NAV2: variants seen among roughly 807,000 people sequenced by gnomAD.
NAV2 encodes the protein helicase, APC down-regulated 1.
In NAV2, 54 loss-of-function variants were observed where a neutral mutation model predicts 223.2. That is an observed-to-expected ratio of 0.24 (90% CI 0.19 to 0.30). The LOEUF is 0.30. Ranked by LOEUF, NAV2 falls within the 10% of genes least tolerant of loss-of-function variation. NAV2 has a pLI of 1.00. For synonymous variants in NAV2, 1,279 were observed against 1,239.3 expected (o/e 1.03, Z -0.67); for missense variants, 2,806 against 3,147.5 (o/e 0.89, Z 2.60).
intron 36 of NAV2, 111 bp downstream of exon 36, chr11:20,107,893 C>G (rs1392650548): frequency 1.3e-6 from 1 of 763,302 alleles, no homozygotes; most frequent in African/African-American, 1.7e-5. Flanking sequence ...GGGGTGACAA[C>G]CCCTCACCTG....
At chr11:19,446,701 A>G (rs1282603451) in intron 1 of NAV2, among the ~76,000 whole-genome samples, 2 of 152,210 alleles carry the variant, frequency 1.3e-5, no homozygotes, top group African/African-American at 4.8e-5. Flanking sequence ...TAATGCAAAC[A>G]GCTGAACCGC....
chr11:20,045,437 A>C lies in NAV2; in HGVS notation c.3669A>C (p.Ala1223=). The change falls in exon 14 of 38, where the codon GCA becomes GCC. Residue 1223 remains alanine (A), a synonymous_variant. Transcript: ENST00000349880. ...ATTCCAACATTAGCAGCAAGTCCGC[A>C]GGCCTGCCAGTGCCCAAACTGAGGG... ...SIDSNISSKS[A]GLPVPKLREP... is the part of the protein sequence containing the mutation. The C allele has an allele frequency of 6.2e-7, 1 of 1,614,190 alleles. No homozygotes were observed. The highest frequency in any genetic ancestry group is 1.1e-5 in the South Asian group (1 of 91,078).
At chr11:20,057,137 G>C (rs1006125662) in intron 19 of NAV2, among the ~76,000 whole-genome samples, 2 of 151,990 alleles carry the variant, frequency 1.3e-5, no homozygotes, top group Non-Finnish European at 2.9e-5. Context: ...GGTGCTTCCC[G>C]GTCCCCATAT....
intron 10 of NAV2, among the ~76,000 whole-genome samples, chr11:19,977,638 A>G (rs2049881088): frequency 6.6e-6 from 1 of 152,112 alleles, no homozygotes; most frequent in East Asian, 1.9e-4. Flanking sequence ...CCTTAGCAAA[A>G]TTTTAAGTAT....
chr11:19,763,783 G>GT (rs1565275118), intron 1 of NAV2, among the ~76,000 whole-genome samples: 2 of 136,058 alleles, frequency 1.5e-5, no homozygotes, highest in Admixed American at 7.5e-5. Flanking sequence ...TTGTTTTTTT[G>GT]TTTTTTTGTT....
intron 12 of NAV2, among the ~76,000 whole-genome samples, chr11:20,041,971 A>G (rs1399069838): frequency 6.6e-6 from 1 of 152,132 alleles, no homozygotes; most frequent in Non-Finnish European, 1.5e-5. Context: ...GTAGTCTACA[A>G]TTACACCCTT....
rs1370677755 is a variant in NAV2 at position 20,093,128 on chromosome 11, T to G, written c.5845T>G (p.Ser1949Ala). The change falls in exon 29 of 38, where the codon TCG becomes GCG. Residue 1949 changes from serine (S) to alanine (A), a missense_variant. By Grantham distance (99) the Ser-to-Ala change is moderately conservative (BLOSUM62 1). Around this residue, in one of 4 missense-constraint regions of NAV2, gnomAD observed 824 missense variants for 1,069.4 expected, o/e 0.77. Coordinates refer to ENST00000349880, the MANE Select transcript of NAV2 (RefSeq NM_145117.5). ...GTTGCTGGATGACACTGGTGAATGC[T>G]CGGCTCGGAAGGAAGGAGGCAGGCA... Reference protein sequence around the residue: ...DMLLDDTGECSARKEGGRHVK... With the variant: ...DMLLDDTGECAARKEGGRHVK... The G allele has an allele frequency of 4.3e-6, 7 of 1,614,054 alleles. No homozygotes were observed. The highest frequency in any genetic ancestry group is 1.7e-5 in the Admixed American group (1 of 60,018).
intron 1 of NAV2, among the ~76,000 whole-genome samples, chr11:19,625,875 T>C (rs898722125): frequency 6.6e-6 from 1 of 152,128 alleles, no homozygotes; most frequent in Non-Finnish European, 1.5e-5. Flanking sequence ...GTCCAGATCA[T>C]TTGCCTATTT....
intron 25 of NAV2, among the ~76,000 whole-genome samples, chr11:20,080,989 T>A (rs2060057583): frequency 6.6e-6 from 1 of 152,232 alleles, no homozygotes; most frequent in South Asian, 2.1e-4. Flanking sequence ...ATATCTCAAG[T>A]TGATCTGGAG....
intron 6 of NAV2, among the ~76,000 whole-genome samples, chr11:19,917,499 T>G (rs1173384506): frequency 1.3e-5 from 2 of 152,198 alleles, no homozygotes; most frequent in Admixed American, 1.3e-4. Flanking sequence ...AACTCTCCCC[T>G]GTAACTGAAA....
At chr11:19,419,191 A>G (rs769519267) in intron 1 of NAV2, among the ~76,000 whole-genome samples, 1 of 152,060 alleles carries the variant, frequency 6.6e-6, no homozygotes, top group Non-Finnish European at 1.5e-5. Context: ...CTCACCTTCT[A>G]TGAACTGTAT....
chr11:19,763,522 C>G (rs2054941668), intron 1 of NAV2, among the ~76,000 whole-genome samples: 1 of 151,992 alleles, frequency 6.6e-6, no homozygotes, highest in Admixed American at 6.5e-5. Context: ...TTGTGTGAAG[C>G]CTGGGGGCGA....
chr11:20,023,389 ATTACCCG>A (rs1351618591), intron 11 of NAV2, among the ~76,000 whole-genome samples: 1 of 152,160 alleles, frequency 6.6e-6, no homozygotes, highest in African/African-American at 2.4e-5. Context: ...AAACTGGGGC[ATTACCCG>A]AATGTCCTGG....
chr11:19,743,833 A>C (rs1429830017), intron 1 of NAV2, among the ~76,000 whole-genome samples: 2 of 152,002 alleles, frequency 1.3e-5, no homozygotes, highest in Non-Finnish European at 2.9e-5. Flanking sequence ...GTCCAGCCCA[A>C]AGAGCCTGGA....
At chr11:19,857,966 C>G (rs1435996055) in intron 3 of NAV2, among the ~76,000 whole-genome samples, 1 of 152,206 alleles carries the variant, frequency 6.6e-6, no homozygotes, top group Non-Finnish European at 1.5e-5. Flanking sequence ...ATGCCATTCT[C>G]CTGCCTCAGC....
chr11:19,473,113 C>A (rs1421566214), intron 1 of NAV2, among the ~76,000 whole-genome samples: 1 of 152,210 alleles, frequency 6.6e-6, no homozygotes. Flanking sequence ...TTAGTCCTTG[C>A]TGATTTTCCC....
At chr11:19,730,291 T>G (rs925706540) in intron 1 of NAV2, among the ~76,000 whole-genome samples, 1 of 152,176 alleles carries the variant, frequency 6.6e-6, no homozygotes, top group African/African-American at 2.4e-5. Context: ...CAATCCAGCC[T>G]TCAGTAACGT....
rs139713240 is a variant in NAV2 at position 19,851,645 on chromosome 11, C to T, written c.438+8722C>T. Among the ~76,000 whole-genome samples the T allele has an allele frequency of 1.0e-3, 159 of 152,260 alleles. 3 individuals carry two copies. In the Middle Eastern group the frequency reaches 0.014, roughly 13 times the overall value. The stretch of plus-strand genomic sequence containing the variant: ...TGCAAGTGAGAAGGTCATTCCCTGC[C>T]CTGTTTACAAGTCACATATTTCCTA... On this transcript the variant is annotated intron_variant, in intron 3 of 37. Transcript: ENST00000349880.
At chr11:19,782,528 T>C (rs886861255) in intron 1 of NAV2, among the ~76,000 whole-genome samples, 1 of 151,238 alleles carries the variant, frequency 6.6e-6, no homozygotes, top group African/African-American at 2.4e-5. Context: ...GGGAAAAAAA[T>C]TGTTTTGTTT....
Sources: allele counts gnomAD v4.1 joint callset (sites outside exome capture counted in the v4.1 genomes callset), GRCh38; gene constraint gnomAD v4.1.1; regional missense constraint gnomAD v4.1.1; transcripts MANE v1.5; gene names NCBI Gene and HGNC (gene_info 2026-07-23, HGNC 2026-07-21).